The following GPR107 variants were observed in gnomAD, a reference collection of about 807,000 sequenced individuals.
GPR107 encodes G protein-coupled receptor 107.
GPR107 carries 31 observed loss-of-function variants against 75.5 expected under a neutral mutation model. The observed-to-expected ratio is 0.41, with a 90% CI of 0.31 to 0.55. The LOEUF (loss-of-function observed/expected upper bound fraction) is 0.55, where lower values mean the gene tolerates loss of function less well. Ranked by LOEUF, GPR107 falls within the 20% of genes least tolerant of loss-of-function variation. The pLI is 0.26. For missense variants in GPR107, 572 were observed against 665.7 expected, an observed-to-expected ratio of 0.86 and a Z score of 1.55; for synonymous variants, 267 against 251.3, an observed-to-expected ratio of 1.06 and a Z score of -0.59.
intron 13 of GPR107, among the ~76,000 whole-genome samples, chr9:130,106,745 A>G (rs1391799145): frequency 6.6e-6 from 1 of 152,044 alleles, no homozygotes; most frequent in Non-Finnish European, 1.5e-5. Context: ...CCCCTCTCAC[A>G]GGTGGGCAAA....
chr9:130,058,805 T>C (rs1296601454), intron 1 of GPR107, among the ~76,000 whole-genome samples: 1 of 152,156 alleles, frequency 6.6e-6, no homozygotes, highest in Non-Finnish European at 1.5e-5. Flanking sequence ...TCTTTCTTTT[T>C]TGAGCTTCGT....
At chr9:130,066,835 A>C (rs1830081588) in intron 1 of GPR107, among the ~76,000 whole-genome samples, 1 of 152,014 alleles carries the variant, frequency 6.6e-6, no homozygotes, top group Non-Finnish European at 1.5e-5. Context: ...AATACAAAAA[A>C]ATTAGCCGGG....
At chr9:130,073,457 C>T (rs1311182939) in intron 1 of GPR107, among the ~76,000 whole-genome samples, 1 of 152,142 alleles carries the variant, frequency 6.6e-6, no homozygotes, top group Non-Finnish European at 1.5e-5. Flanking sequence ...TTACCATTGA[C>T]CCACTCTTGT....
At chr9:130,063,364 G>A (rs992810071) in intron 1 of GPR107, among the ~76,000 whole-genome samples, 5 of 152,020 alleles carry the variant, frequency 3.3e-5, no homozygotes, top group Admixed American at 6.6e-5. Flanking sequence ...CAAATTTTTT[G>A]TATTTTTAGT....
chr9:130,067,814 G>A (rs1196004325), intron 1 of GPR107, among the ~76,000 whole-genome samples: 1 of 112,108 alleles, frequency 8.9e-6, no homozygotes, highest in Non-Finnish European at 1.6e-5. Context: ...GTCTAATCTT[G>A]GCTCACTGCA....
At chr9:130,099,929 C>G (rs1346735626) in intron 10 of GPR107, among the ~76,000 whole-genome samples, 10 of 107,924 alleles carry the variant, frequency 9.3e-5, no homozygotes, top group African/African-American at 3.3e-4. Context: ...GGGCCTCGCT[C>G]TGTTGCCCAG....
rs1554899698 is a variant in GPR107, at chr9:130,134,935, C to G, written c.1563-90C>G. 3 of 763,464 alleles carry G rather than the reference C, an allele frequency of 3.9e-6. No homozygotes were observed. The African/African-American group carries it at 5.1e-5, about 13-fold the overall frequency. 47.3% of individuals were successfully genotyped at this position (763,464 alleles called of 1,614,324 possible). ...GTCTGTTTCAAAAACCAACACCCAT[C>G]ATCAGTCCTAATCACCGTGCTGTGG... On this transcript the variant is annotated intron_variant, in intron 17 of 17. Coordinates refer to ENST00000347136, the MANE Select transcript of GPR107 (RefSeq NM_020960.5).
intron 1 of GPR107, among the ~76,000 whole-genome samples, chr9:130,060,402 GTTTTTTTTTTTT>G (rs11403227): frequency 1.3e-5 from 1 of 75,894 alleles, no homozygotes; most frequent in African/African-American, 6.0e-5. Context: ...GATAATCCGA[GTTTTTTTTTTTT>G]TTTTTTTTTT....
intron 14 of GPR107, chr9:130,114,687 G>C (rs1255835720): frequency 9.6e-7 from 1 of 1,044,400 alleles, no homozygotes; most frequent in African/African-American, 1.7e-5. Context: ...GACCCATCCT[G>C]TTTTACTTTC....
chr9:130,117,626 C>T (rs1440166302), intron 14 of GPR107, among the ~76,000 whole-genome samples: 3 of 152,126 alleles, frequency 2.0e-5, no homozygotes, highest in South Asian at 2.1e-4. Flanking sequence ...GTGGAAATGC[C>T]GAGACTCAGC....
chr9:130,108,311 T>A (rs1286293037), intron 14 of GPR107, among the ~76,000 whole-genome samples: 1 of 152,258 alleles, frequency 6.6e-6, no homozygotes, highest in Non-Finnish European at 1.5e-5. Flanking sequence ...TAAAACAGGT[T>A]TTTGTTAATA....
intron 8 of GPR107, among the ~76,000 whole-genome samples, chr9:130,091,460 A>T (rs1428877874): frequency 6.6e-6 from 1 of 151,980 alleles, no homozygotes; most frequent in East Asian, 1.9e-4. Context: ...CAGCCTGGGC[A>T]AAAGGGTGAG....
chr9:130,073,698 C>T (rs1830267695), intron 1 of GPR107, among the ~76,000 whole-genome samples: 1 of 152,164 alleles, frequency 6.6e-6, no homozygotes, highest in Non-Finnish European at 1.5e-5. Flanking sequence ...CAGGGCTTCC[C>T]TGTGACGTTG....
intron 1 of GPR107, among the ~76,000 whole-genome samples, chr9:130,067,465 C>G (rs1002113122): frequency 6.6e-6 from 1 of 152,086 alleles, no homozygotes. Context: ...GGTTAGCGCA[C>G]CTTCCATTTT....
intron 1 of GPR107, among the ~76,000 whole-genome samples, chr9:130,062,155 C>T (rs1252551783): frequency 6.6e-6 from 1 of 151,920 alleles, no homozygotes; most frequent in African/African-American, 2.4e-5. Flanking sequence ...TGGCTCACAC[C>T]TGTAATCCCA....
At chr9:130,121,759 G>A (rs902439185) in intron 14 of GPR107, among the ~76,000 whole-genome samples, 3 of 152,200 alleles carry the variant, frequency 2.0e-5, no homozygotes, top group Admixed American at 2.0e-4. Context: ...ACCCCTGTCA[G>A]GACACCTTGA....
chr9:130,107,429 G>C lies in GPR107; in HGVS notation c.1263-67G>C. On this transcript the variant is annotated intron_variant, in intron 13 of 17. Transcript: ENST00000347136. The stretch of plus-strand genomic sequence containing the variant: ...TGAGAAATTCAGCCTCAAGTTACTA[G>C]AGCTGGAAATAGAGAGGAGTGCAGA... The C allele has an allele frequency of 3.3e-6, 3 of 910,870 alleles. No individual in the cohort carries two copies. In the South Asian group the frequency reaches 3.9e-5, roughly 12 times the overall value. 56.4% of individuals were successfully genotyped at this position (910,870 alleles called of 1,614,324 possible). A position where few individuals can be genotyped will look rare whatever the true frequency, so the allele number is the denominator to read the frequency against.
At chr9:130,087,805 C>CAAAAAAAAAAAAAAAAAAAAAAAAAAA (rs35984705) in intron 7 of GPR107, among the ~76,000 whole-genome samples, 3 of 87,624 alleles carry the variant, frequency 3.4e-5, no homozygotes, top group Middle Eastern at 8.3e-3. Flanking sequence ...GACCCTGTCT[C>CAAAAAAAAAAAAAAAAAAAAAAAAAAA]AAAAAAAAAA....
chr9:130,083,046 G>A (rs969379135), intron 5 of GPR107, among the ~76,000 whole-genome samples: 6 of 151,746 alleles, frequency 4.0e-5, no homozygotes, highest in East Asian at 1.9e-4. Context: ...TCAGCCTCCC[G>A]AGTAGCTGGG....
Sources: gnomAD v4.1 joint callset for allele counts (sites outside exome capture counted in the v4.1 genomes callset) on GRCh38, gnomAD v4.1.1 for gene constraint, MANE v1.5 for transcripts, NCBI Gene and HGNC (gene_info 2026-07-23, HGNC 2026-07-21) for gene names.